CCDC180: variants seen among roughly 807,000 people sequenced by gnomAD.
CCDC180 encodes the protein coiled-coil domain-containing protein 180.
A neutral mutation model predicts 209.2 loss-of-function variants in CCDC180; 154 were observed. The ratio of observed to expected loss-of-function variants is 0.74; its 90% CI spans 0.65 to 0.84. The LOEUF (loss-of-function observed/expected upper bound fraction) is 0.84. Ranked by LOEUF, CCDC180 falls within the 40% of genes least tolerant of loss-of-function variation. The pLI, the probability that CCDC180 is intolerant of heterozygous loss-of-function variation, is 0.00. For missense variants in CCDC180, 1,874 were observed against 1,997.3 expected (o/e 0.94, Z 1.18); for synonymous variants, 778 against 749.1 (o/e 1.04, Z -0.63).
At position 97,375,545 on chromosome 9, in the gene CCDC180, C is replaced by G. The variant is rs768455148; in HGVS notation, c.4798C>G (p.Leu1600Val). The change falls in exon 36 of 37, where the codon CTG becomes GTG. Residue 1600 changes from leucine (L) to valine (V), a missense_variant. Physicochemically the swap from Leu to Val is conservative, Grantham distance 32 (BLOSUM62 1). Transcript: ENST00000529487. ...ATCGATTTCCACCACCAAAACCACC[C>G]TGGGCCACCTGGCGGCCGTGGAAGC... Reference protein sequence around the residue: ...TSSISTTKTTLGHLAAVEARD... With the variant: ...TSSISTTKTTVGHLAAVEARD... The G allele has an allele frequency of 6.2e-7, 1 of 1,614,238 alleles. No homozygotes were observed. The highest frequency in any genetic ancestry group is 8.5e-7 in the Non-Finnish European group (1 of 1,180,048).
chr9:97,363,500 G>A, intron 28 of CCDC180: 2 of 476,910 alleles, frequency 4.2e-6, no homozygotes, highest in Non-Finnish European at 9.0e-6. Context: ...TTCAGTCTCT[G>A]AGAGGTTACG....
At chr9:97,365,782 C>T (rs766961602) in intron 30 of CCDC180, 43 bp downstream of exon 30, 26 of 1,565,212 alleles carry the variant, frequency 1.7e-5, no homozygotes, top group Middle Eastern at 1.8e-4. Context: ...CTGGAAACCA[C>T]GCCTGCCTTC....
At chr9:97,325,525 AAAG>A (rs1833503354) in intron 14 of CCDC180, among the ~76,000 whole-genome samples, 1 of 152,240 alleles carries the variant, frequency 6.6e-6, no homozygotes, top group South Asian at 2.1e-4. Flanking sequence ...ACCAACCTCA[AAAG>A]GAATACATCC....
intron 22 of CCDC180, among the ~76,000 whole-genome samples, chr9:97,353,746 T>C (rs1826487582): frequency 6.6e-6 from 1 of 152,214 alleles, no homozygotes; most frequent in Non-Finnish European, 1.5e-5. Flanking sequence ...GTGTGATGAA[T>C]TTTCAGGGGA....
rs537147347 is a variant in CCDC180, at chr9:97,366,417, G to A, written c.4048-142G>A. On this transcript the variant is annotated intron_variant, in intron 30 of 36. Coordinates refer to ENST00000529487, the MANE Select transcript of CCDC180 (RefSeq NM_020893.6). This position sits in a 1 kb window ranked among gnomAD's most constrained non-coding sequence, Gnocchi z 4.3. Reference sequence around the variant, plus strand: ...GACACGGGCAGACAGGGAAGGAGGAGTGTCTGCTCGTGTCACTTCCACAGG... The same window carrying A: ...GACACGGGCAGACAGGGAAGGAGGAATGTCTGCTCGTGTCACTTCCACAGG... 2.9e-4 allele frequency: 228 copies of A among 775,516 alleles called. No homozygotes were observed. In the African/African-American group the frequency reaches 3.5e-3, roughly 12 times the overall value. 48.0% of individuals were successfully genotyped at this position (775,516 alleles called of 1,614,324 possible).
At chr9:97,365,570 C>A (rs1826894526) in intron 29 of CCDC180, 103 bp from the exon 30 acceptor site, 1 of 1,024,502 alleles carries the variant, frequency 9.8e-7, no homozygotes, top group East Asian at 2.4e-5. Flanking sequence ...CAAGGAGTGT[C>A]ACGGCCAAAA....
intron 3 of CCDC180, 58 bp from the exon 4 acceptor site, chr9:97,312,055 G>A: frequency 6.8e-7 from 1 of 1,471,934 alleles, no homozygotes; most frequent in South Asian, 1.1e-5. Context: ...TTATGTGCCA[G>A]AGCTGCCATG....
intron 2 of CCDC180, 34 bp from the exon 3 acceptor site, chr9:97,309,380 C>T (rs765185130): frequency 3.1e-6 from 5 of 1,588,538 alleles, no homozygotes; most frequent in South Asian, 1.1e-5. Context: ...GCAGCTCTGA[C>T]CACTCCCCCA....
chr9:97,344,081 C>A (rs1218458927), intron 19 of CCDC180, among the ~76,000 whole-genome samples: 4 of 152,102 alleles, frequency 2.6e-5, no homozygotes, highest in African/African-American at 4.8e-5. Flanking sequence ...AATATAAGAA[C>A]AATGAAGAAT....
intron 19 of CCDC180, among the ~76,000 whole-genome samples, chr9:97,345,258 G>A (rs994215083): frequency 4.6e-5 from 7 of 152,150 alleles, no homozygotes; most frequent in Non-Finnish European, 1.0e-4. Flanking sequence ...GTCCATATCC[G>A]TCTTTAGGAG....
chr9:97,344,290 T>C (rs1270482425), intron 19 of CCDC180, among the ~76,000 whole-genome samples: 1 of 152,152 alleles, frequency 6.6e-6, no homozygotes, highest in Non-Finnish European at 1.5e-5. Context: ...ACCTCCTGTA[T>C]GTAACATGGG....
intron 5 of CCDC180, 137 bp from the exon 6 acceptor site, chr9:97,314,256 C>G: frequency 1.0e-6 from 1 of 983,222 alleles, no homozygotes; most frequent in Admixed American, 2.2e-5. Flanking sequence ...GAGTAGTGAG[C>G]CTCAACTCGT....
intron 8 of CCDC180, among the ~76,000 whole-genome samples, chr9:97,316,757 G>A (rs115899483): frequency 6.6e-6 from 1 of 152,226 alleles, no homozygotes; most frequent in Non-Finnish European, 1.5e-5. Context: ...AGCTCACTGA[G>A]TGCCTGCCTC....
At position 97,370,050 on chromosome 9, in the gene CCDC180, G is replaced by T; in HGVS notation, c.4318G>T (p.Glu1440Ter). ...TGTGAAGGAGATCCGAGGACAGTTC[G>T]AGGAACAGCAGAAGCGGCTGGAGAA... is the stretch of plus-strand genomic sequence containing the variant. ...TSVKEIRGQF[E>*]EQQKRLEKRK... is the part of the protein sequence containing the mutation. Residue 1440 changes from glutamate (E) to a stop codon, truncating the protein, a stop_gained, in exon 32 of 37, where the codon GAG becomes TAG. Coordinates refer to ENST00000529487, the MANE Select transcript of CCDC180 (RefSeq NM_020893.6). LOFTEE classifies it high-confidence loss of function. The T allele has an allele frequency of 1.2e-6, 2 of 1,614,104 alleles. No homozygotes were observed. The highest frequency in any genetic ancestry group is 1.7e-6 in the Non-Finnish European group (2 of 1,180,014).
intron 31 of CCDC180, chr9:97,369,504 G>C (rs1478205651): frequency 5.8e-6 from 1 of 173,532 alleles, no homozygotes; most frequent in Non-Finnish European, 1.2e-5. Flanking sequence ...CTGTGGCCCA[G>C]GCTAGAGTGT....
chr9:97,375,452 A>C lies in CCDC180; in HGVS notation c.4707-2A>C, dbSNP rs750455657. ...GAGATTTTCACACATGTTTGTTTGT[A>C]GGAAGTGGCCAGGGATCAAACCCAC... is the stretch of plus-strand genomic sequence containing the variant. On this transcript the variant is annotated splice_acceptor_variant, in intron 35 of 36. Coordinates refer to ENST00000529487, the MANE Select transcript of CCDC180 (RefSeq NM_020893.6). LOFTEE classifies it high-confidence loss of function. The C allele has an allele frequency of 6.2e-7, 1 of 1,614,204 alleles. No individual in the cohort carries two copies. Among genetic ancestry groups the C allele is most frequent in the African/African-American group, 1.3e-5 (1 of 75,058 alleles).
At chr9:97,320,258 G>C (rs1833315397) in intron 11 of CCDC180, 53 bp downstream of exon 11, 1 of 1,525,040 alleles carries the variant, frequency 6.6e-7, no homozygotes, top group Admixed American at 1.7e-5. Context: ...TGTTTAAGCA[G>C]TTGCTTTGCT....
rs1006051196 is a variant in CCDC180 at position 97,370,652 on chromosome 9, C to A, written c.4362C>A (p.Ala1454=). ...KRLEKRKDKN[A]QKLHLNLGHP... ...TTGTTTGATTAAAGGACAAAAATGC[C>A]CAGAAGCTCCATCTAAATCTTGGAC... The change falls in exon 33 of 37, where the codon GCC becomes GCA. Residue 1454 remains alanine, a synonymous_variant. Coordinates refer to ENST00000529487, the MANE Select transcript of CCDC180 (RefSeq NM_020893.6). The A allele has an allele frequency of 8.1e-6, 13 of 1,613,402 alleles. No individual in the cohort carries two copies. The highest frequency in any genetic ancestry group is 1.0e-5 in the Non-Finnish European group (12 of 1,179,844).
Position 97,364,111 on chromosome 9 carries a change from G to A in CCDC180, c.3963G>A (p.Lys1321=). The A allele has an allele frequency of 6.2e-7, 1 of 1,614,110 alleles. No individual in the cohort carries two copies. The highest frequency in any genetic ancestry group is 8.5e-7 in the Non-Finnish European group (1 of 1,180,008). ...GAAAGTACCGGGTGCTTGGGGACAA[G>A]CCTCCCCCTGCTGCCGAGTGAGTAA... ...MERKYRVLGD[K]PPPAAEDFKG... Residue 1321 remains lysine, a synonymous_variant, in exon 29 of 37, where the codon AAG becomes AAA. Transcript: ENST00000529487.
Sources: allele counts gnomAD v4.1 joint callset (sites outside exome capture counted in the v4.1 genomes callset), GRCh38; gene constraint gnomAD v4.1.1; non-coding constraint Gnocchi (gnomAD v3.1); transcripts MANE v1.5; gene names NCBI Gene and HGNC (gene_info 2026-07-23, HGNC 2026-07-21).